The following MINDY2 variants were observed in gnomAD, a reference collection of about 807,000 sequenced individuals.
MINDY2 encodes MINDY lysine 48 deubiquitinase 2, also known as ubiquitin carboxyl-terminal hydrolase MINDY-2.
Under a neutral mutation model 68.2 loss-of-function variants are expected in MINDY2, and 52 were observed. That is an observed-to-expected ratio of 0.76 (90% CI 0.61 to 0.96). The LOEUF is 0.96. Among genes scored for constraint, MINDY2 ranks in the 40% least tolerant of loss-of-function variants. MINDY2 has a pLI of 0.00. For synonymous variants in MINDY2, 372 were observed against 303.0 expected (o/e 1.23, Z -2.36); for missense variants, 881 against 773.4 (o/e 1.14, Z -1.65).
At chr15:58,778,432 T>A (rs1404274069) in intron 1 of MINDY2, among the ~76,000 whole-genome samples, 4 of 151,900 alleles carry the variant, frequency 2.6e-5, no homozygotes, top group Non-Finnish European at 5.9e-5. Context: ...GGATTTTTTT[T>A]ATATAAAGTT....
intron 1 of MINDY2, among the ~76,000 whole-genome samples, chr15:58,787,379 A>G (rs1196303668): frequency 6.6e-6 from 1 of 151,970 alleles, no homozygotes; most frequent in African/African-American, 2.4e-5. Context: ...TAAGCTTTGC[A>G]TTACTTTTAA....
At chr15:58,794,056 G>A (rs545995735) in intron 2 of MINDY2, among the ~76,000 whole-genome samples, 8 of 152,158 alleles carry the variant, frequency 5.3e-5, no homozygotes, top group Non-Finnish European at 7.4e-5. Flanking sequence ...GCGTGTTGAC[G>A]AAAGAATCTA....
chr15:58,794,086 T>G (rs1405208794), intron 2 of MINDY2, among the ~76,000 whole-genome samples: 4 of 151,954 alleles, frequency 2.6e-5, no homozygotes, highest in Non-Finnish European at 5.9e-5. Flanking sequence ...GCTCTACATG[T>G]TGCCAGTGGT....
At chr15:58,815,911 C>G (rs1234928933) in intron 4 of MINDY2, among the ~76,000 whole-genome samples, 2 of 152,080 alleles carry the variant, frequency 1.3e-5, no homozygotes, top group Non-Finnish European at 2.9e-5. Context: ...ATCTCTTGAC[C>G]TCGTGATCCG....
intron 3 of MINDY2, among the ~76,000 whole-genome samples, chr15:58,804,373 A>C (rs1196943093): frequency 6.6e-6 from 1 of 152,208 alleles, no homozygotes; most frequent in African/African-American, 2.4e-5. Flanking sequence ...TCTTACTGAA[A>C]TCATGAAGCT....
rs754714189 is a variant in MINDY2, at chr15:58,851,814, A to G, written c.1586A>G (p.Gln529Arg). 1.2e-6 allele frequency: 2 copies of G among 1,607,586 alleles called. No individual in the cohort carries two copies. Among genetic ancestry groups the G allele is most frequent in the Non-Finnish European group, 1.7e-6 (2 of 1,178,386 alleles). Reference sequence around the variant, plus strand: ...TCTCTACAACAAGAACAGCAGAGCCAAGAGATCAATTGGGAACAAATCCCG... The same window carrying G: ...TCTCTACAACAAGAACAGCAGAGCCGAGAGATCAATTGGGAACAAATCCCG... ...ALSLQQEQQS[Q>R]EINWEQIPEG... Residue 529 changes from glutamine to arginine, a missense_variant, in exon 8 of 9, where the codon CAA becomes CGA. Coordinates refer to ENST00000559228, the MANE Select transcript of MINDY2 (RefSeq NM_001040450.3).
rs1944327763 is a variant in MINDY2 at position 58,772,031 on chromosome 15, C to T, written c.636C>T (p.Pro212=). Reference sequence around the variant, plus strand: ...AGGAGGAGGGCGCGGCGGTGTTGCCCGGGGCTGTTCCTCTGTGCAAGGAGG... The same window carrying T: ...AGGAGGAGGGCGCGGCGGTGTTGCCTGGGGCTGTTCCTCTGTGCAAGGAGG... ...PEEEEGAAVL[P]GAVPLCKEEE... Residue 212 remains proline (P), a synonymous_variant, in exon 1 of 9, where the codon CCC becomes CCT. Coordinates refer to ENST00000559228, the MANE Select transcript of MINDY2 (RefSeq NM_001040450.3). 1 of 1,602,076 alleles carries T rather than the reference C, an allele frequency of 6.2e-7. No homozygotes were observed.
chr15:58,809,018 C>G (rs2030026736), intron 3 of MINDY2, among the ~76,000 whole-genome samples: 1 of 152,158 alleles, frequency 6.6e-6, no homozygotes, highest in Non-Finnish European at 1.5e-5. Flanking sequence ...CAGGACCAGC[C>G]TGGGTAACAT....
In MINDY2 at chr15:58,794,813, A is replaced by G. The variant is rs1045508695; in HGVS notation, c.898+6850A>G. On this transcript the variant is annotated intron_variant, in intron 2 of 8. Coordinates refer to ENST00000559228, the MANE Select transcript of MINDY2 (RefSeq NM_001040450.3). ...AGTTGAATACCTAGGGAATTTGCTAATGGCAGACTATGAGTTACAGAGAAC... is the reference window on the plus strand; with the variant it reads ...AGTTGAATACCTAGGGAATTTGCTAGTGGCAGACTATGAGTTACAGAGAAC... 4.4e-4 allele frequency among the ~76,000 whole-genome samples: 67 copies of G among 152,192 alleles called. 1 individual carries two copies. Among genetic ancestry groups the G allele is most frequent in the Admixed American group, 6.5e-5 (1 of 15,274 alleles).
In MINDY2 at chr15:58,797,998, A is replaced by G. The variant is rs529307380; in HGVS notation, c.899-4315A>G. Reference sequence around the variant, plus strand: ...TGCTGTCTCCATCTGGGCACCTTCTATGATTTAAAGTATGCTGAAAAGCTC... The same window carrying G: ...TGCTGTCTCCATCTGGGCACCTTCTGTGATTTAAAGTATGCTGAAAAGCTC... On this transcript the variant is annotated intron_variant, in intron 2 of 8. Transcript: ENST00000559228. Among the ~76,000 whole-genome samples, 3 of 152,332 alleles carry G rather than the reference A, an allele frequency of 2.0e-5. No individual in the cohort carries two copies. In the East Asian group the frequency reaches 5.8e-4, roughly 29 times the overall value.
chr15:58,788,633 A>G (rs1277670742), intron 2 of MINDY2, among the ~76,000 whole-genome samples: 5 of 152,224 alleles, frequency 3.3e-5, no homozygotes, highest in African/African-American at 1.2e-4. Context: ...GCCTTTTATA[A>G]TCTGACAAAT....
In MINDY2 at chr15:58,802,294, T is replaced by C; in HGVS notation, c.899-19T>C. On this transcript the variant is annotated intron_variant, in intron 2 of 8. Transcript: ENST00000559228. The stretch of plus-strand genomic sequence containing the variant: ...AGTTTTTAAAAGGCAATTTTACAAT[T>C]CTTTTTTTTTTTTTACAGGAGATTA... 6.8e-7 allele frequency: 1 copy of C among 1,474,874 alleles called. No homozygotes were observed. The highest frequency in any genetic ancestry group is 9.3e-7 in the Non-Finnish European group (1 of 1,080,500). 91.4% of individuals were successfully genotyped at this position (1,474,874 alleles called of 1,614,324 possible).
intron 3 of MINDY2, among the ~76,000 whole-genome samples, chr15:58,802,653 G>T (rs187804519): frequency 1.5e-4 from 23 of 151,416 alleles, no homozygotes; most frequent in Admixed American, 5.3e-4. Context: ...TTCCATGAGA[G>T]ATCAAACCTA....
chr15:58,815,726 G>C (rs1352927408), intron 4 of MINDY2: 1 of 151,618 alleles, frequency 6.6e-6, no homozygotes, highest in Non-Finnish European at 1.5e-5. Context: ...TCTGTCGCCA[G>C]GCTAGAGTGC....
At chr15:58,790,393 A>C (rs1901804089) in intron 2 of MINDY2, among the ~76,000 whole-genome samples, 1 of 152,226 alleles carries the variant, frequency 6.6e-6, no homozygotes, top group African/African-American at 2.4e-5. Context: ...GAGTACACAA[A>C]GGGGAGTTGT....
At chr15:58,814,562 A>G (rs1001637348) in intron 4 of MINDY2, among the ~76,000 whole-genome samples, 1 of 151,698 alleles carries the variant, frequency 6.6e-6, no homozygotes, top group Admixed American at 6.6e-5. Flanking sequence ...AATTTTTTGT[A>G]GAAATGAGAT....
chr15:58,774,350 G>C (rs865968784), intron 1 of MINDY2, among the ~76,000 whole-genome samples: 4 of 152,214 alleles, frequency 2.6e-5, no homozygotes, highest in Middle Eastern at 6.8e-3. Context: ...CGGGCATGGT[G>C]GTGGGCACCT....
intron 2 of MINDY2, chr15:58,796,256 G>A (rs543942095): frequency 1.5e-5 from 6 of 392,892 alleles, no homozygotes; most frequent in South Asian, 1.1e-4. Flanking sequence ...TAAAGAATAG[G>A]AAAGGTTGTT....
intron 1 of MINDY2, among the ~76,000 whole-genome samples, chr15:58,784,171 C>T (rs1327906568): frequency 6.6e-6 from 1 of 151,866 alleles, no homozygotes; most frequent in Non-Finnish European, 1.5e-5. Context: ...ATAAAAAATA[C>T]AAAAATTAGC....
Sources: allele counts gnomAD v4.1 joint callset (sites outside exome capture counted in the v4.1 genomes callset), GRCh38; gene constraint gnomAD v4.1.1; transcripts MANE v1.5; gene names NCBI Gene and HGNC (gene_info 2026-07-23, HGNC 2026-07-21).